The following ZNF423 variants were observed in gnomAD, a reference collection of about 807,000 sequenced individuals.
ZNF423 encodes Ebf-associated zinc finger protein.
ZNF423 carries 12 observed loss-of-function variants against 95.8 expected under a neutral mutation model. The observed-to-expected ratio is 0.13, with a 90% confidence interval of 0.08 to 0.20. The LOEUF is 0.20. ZNF423 is among the 10% of genes least tolerant of loss of function. ZNF423 has a pLI of 1.00. For missense variants in ZNF423, 1,316 were observed against 1,737.1 expected, an observed-to-expected ratio of 0.76 and a Z score of 4.31; for synonymous variants, 749 against 711.9, an observed-to-expected ratio of 1.05 and a Z score of -0.83.
At chr16:49,570,539 C>T (rs1970323311) in intron 5 of ZNF423, among the ~76,000 whole-genome samples, 1 of 152,142 alleles carries the variant, frequency 6.6e-6, no homozygotes, top group Admixed American at 6.5e-5. Flanking sequence ...AGAGAGGTGC[C>T]TCCTAATGAA....
chr16:49,788,989 T>C (rs1320268917), intron 2 of ZNF423, among the ~76,000 whole-genome samples: 2 of 152,190 alleles, frequency 1.3e-5, no homozygotes, highest in African/African-American at 4.8e-5. Context: ...ATCCTGACTG[T>C]CACGTCACCC....
At chr16:49,548,878 C>T (rs774196163) in intron 5 of ZNF423, among the ~76,000 whole-genome samples, 2 of 152,236 alleles carry the variant, frequency 1.3e-5, no homozygotes, top group Non-Finnish European at 2.9e-5. Context: ...CTTTCCCTGC[C>T]TCTCTAGAGA....
intron 3 of ZNF423, among the ~76,000 whole-genome samples, chr16:49,665,731 C>T (rs2030509737): frequency 6.6e-6 from 1 of 152,164 alleles, no homozygotes; most frequent in Admixed American, 6.5e-5. Context: ...GGAGGCCAAT[C>T]CCACAAAGCC....
At chr16:49,836,838 G>C (rs1189591468) in intron 1 of ZNF423, among the ~76,000 whole-genome samples, 2 of 152,294 alleles carry the variant, frequency 1.3e-5, no homozygotes, top group East Asian at 3.9e-4. Context: ...GATACAAAGA[G>C]AGGTCTGGGA....
intron 1 of ZNF423, among the ~76,000 whole-genome samples, chr16:49,838,163 G>A (rs2035140599): frequency 6.6e-6 from 1 of 152,216 alleles, no homozygotes; most frequent in Admixed American, 6.5e-5. Flanking sequence ...GTAATTTACT[G>A]GATACGTGCT....
intron 2 of ZNF423, among the ~76,000 whole-genome samples, chr16:49,761,306 G>A (rs564808886): frequency 2.6e-5 from 4 of 152,318 alleles, no homozygotes; most frequent in Admixed American, 1.3e-4. Flanking sequence ...CCATTGCTAC[G>A]ACTGAGGAGG....
In ZNF423 at chr16:49,638,737, G is replaced by A. The variant is rs1310818861; in HGVS notation, c.439C>T (p.Pro147Ser). ...EEEGGTGLPY[P>S]CQFCDKSFIR... is the part of the protein sequence containing the mutation. ...AAGGACTTGTCGCAGAACTGGCAAGGGTATGGCAGGCCCGTGCCCCCTTCC... is the reference window on the plus strand; with the variant it reads ...AAGGACTTGTCGCAGAACTGGCAAGAGTATGGCAGGCCCGTGCCCCCTTCC... The change falls in exon 4 of 8, where the codon CCT (proline) becomes TCT (serine). Residue 147 changes from proline to serine, a missense_variant. Coordinates refer to ENST00000563137, the MANE Select transcript of ZNF423 (RefSeq NM_001379286.1). The surrounding 1 kb of genome is among the most constrained non-coding windows in gnomAD (Gnocchi z 5.6). 6.2e-7 allele frequency: 1 copy of A among 1,614,066 alleles called. No homozygotes were observed. Among genetic ancestry groups the A allele is most frequent in the Non-Finnish European group, 8.5e-7 (1 of 1,180,054 alleles).
chr16:49,815,733 G>C (rs1013336086), intron 1 of ZNF423, among the ~76,000 whole-genome samples: 2 of 151,168 alleles, frequency 1.3e-5, no homozygotes, highest in East Asian at 1.9e-4. Flanking sequence ...CGCAGGCTTG[G>C]GTATAAGCAG....
intron 2 of ZNF423, among the ~76,000 whole-genome samples, chr16:49,761,125 G>A (rs1320840912): frequency 6.6e-6 from 1 of 152,118 alleles, no homozygotes; most frequent in African/African-American, 2.4e-5. Flanking sequence ...TGACCTGAGA[G>A]AGGTTCAGCC....
chr16:49,831,362 A>G (rs1424142200), intron 1 of ZNF423, among the ~76,000 whole-genome samples: 1 of 152,196 alleles, frequency 6.6e-6, no homozygotes, highest in Non-Finnish European at 1.5e-5. Context: ...CCTATTTTAT[A>G]ATTGGAGAAA....
intron 5 of ZNF423, among the ~76,000 whole-genome samples, chr16:49,569,983 C>T (rs960578117): frequency 6.6e-6 from 1 of 152,192 alleles, no homozygotes; most frequent in African/African-American, 2.4e-5. Context: ...AGGTGCTGAA[C>T]TAGCACTTGA....
At chr16:49,578,362 C>T (rs1326003617) in intron 5 of ZNF423, among the ~76,000 whole-genome samples, 1 of 152,214 alleles carries the variant, frequency 6.6e-6, no homozygotes, top group Non-Finnish European at 1.5e-5. Context: ...TCATTTCCTT[C>T]ACCTTCTCAC....
intron 5 of ZNF423, among the ~76,000 whole-genome samples, chr16:49,548,487 G>T (rs1306522327): frequency 6.6e-6 from 1 of 151,970 alleles, no homozygotes; most frequent in African/African-American, 2.4e-5. Context: ...TGACACCAGT[G>T]TACTAGTTGT....
At chr16:49,650,627 A>T (rs1222489289) in intron 3 of ZNF423, among the ~76,000 whole-genome samples, 3 of 152,226 alleles carry the variant, frequency 2.0e-5, no homozygotes, top group Non-Finnish European at 4.4e-5. Context: ...GTGGGGGGCC[A>T]CACACCCAGG....
At chr16:49,837,007 T>C (rs2035127336) in intron 1 of ZNF423, among the ~76,000 whole-genome samples, 1 of 152,172 alleles carries the variant, frequency 6.6e-6, no homozygotes, top group Non-Finnish European at 1.5e-5. Context: ...AGATTCCCAA[T>C]TCAAAGTGGA....
At position 49,592,526 on chromosome 16, in the gene ZNF423, C is replaced by A. The variant is rs568067315; in HGVS notation, c.3601+33644G>T. Among the ~76,000 whole-genome samples the A allele has an allele frequency of 2.0e-5, 3 of 152,326 alleles. No individual in the cohort carries two copies. In the South Asian group the frequency reaches 6.2e-4, roughly 32 times the overall value. ...TCCCCTAAAACACAGTGACAGAATTCTTTTGCAGAAGTCACTTGCAGGAGT... is the reference window on the plus strand; with the variant it reads ...TCCCCTAAAACACAGTGACAGAATTATTTTGCAGAAGTCACTTGCAGGAGT... On this transcript the variant is annotated intron_variant, in intron 5 of 7. Transcript: ENST00000563137.
intron 2 of ZNF423, among the ~76,000 whole-genome samples, chr16:49,764,193 G>A (rs773515926): frequency 2.2e-4 from 34 of 152,256 alleles, no homozygotes; most frequent in Middle Eastern, 3.4e-3. Context: ...GCCCTGCTGC[G>A]GGGAACATGA....
At chr16:49,553,984 G>T (rs868567122) in intron 5 of ZNF423, among the ~76,000 whole-genome samples, 1 of 152,104 alleles carries the variant, frequency 6.6e-6, no homozygotes, top group African/African-American at 2.4e-5. Flanking sequence ...ACACAGTCCC[G>T]CCTTGGAGGC....
At chr16:49,644,291 A>C (rs1973087628) in intron 3 of ZNF423, among the ~76,000 whole-genome samples, 2 of 152,132 alleles carry the variant, frequency 1.3e-5, no homozygotes, top group African/African-American at 4.8e-5. Context: ...TGGGGGGAAG[A>C]TAGCTGAGCC....
Sources: gnomAD v4.1 joint callset for allele counts (sites outside exome capture counted in the v4.1 genomes callset) on GRCh38, gnomAD v4.1.1 for gene constraint, Gnocchi (gnomAD v3.1) non-coding constraint, MANE v1.5 for transcripts, NCBI Gene and HGNC (gene_info 2026-07-23, HGNC 2026-07-21) for gene names.